The following HOXA3 variants were observed in gnomAD, a reference collection of about 807,000 sequenced individuals.
The protein encoded by HOXA3 is homeobox A3.
In HOXA3, 8 loss-of-function variants were observed where a neutral mutation model predicts 30.3. The ratio of observed to expected loss-of-function variants is 0.26; its 90% CI spans 0.15 to 0.48. The LOEUF is 0.48. HOXA3 is among the 20% of genes least tolerant of loss of function. The pLI is 0.99. For synonymous variants in HOXA3, 323 were observed against 273.1 expected (o/e 1.18, Z -1.80); for missense variants, 653 against 614.4 (o/e 1.06, Z -0.66).
In HOXA3 at chr7:27,143,509, T is replaced by G. The variant is rs764144893; in HGVS notation, c.-493-3323A>C. 1.9e-6 allele frequency: 3 copies of G among 1,613,776 alleles called. No individual in the cohort carries two copies. The South Asian group carries it at 3.3e-5, about 18-fold the overall frequency. ...AGTGCATGCTCGCCGAGTCCCTGAATTGCTCGCTCACGGAACTATGATCTC... is the reference window on the plus strand; with the variant it reads ...AGTGCATGCTCGCCGAGTCCCTGAAGTGCTCGCTCACGGAACTATGATCTC... On this transcript the variant is annotated intron_variant, in intron 1 of 5. Transcript: ENST00000612286.
In HOXA3 at chr7:27,108,137, G is replaced by A; in HGVS notation, c.1110C>T (p.Ser370=). Residue 370 remains serine (S), a synonymous_variant, in exon 6 of 6, where the codon AGC becomes AGT. Transcript: ENST00000612286. The surrounding 1 kb of genome is among the most constrained non-coding windows in gnomAD (Gnocchi z 5.0). Reference sequence around the variant, plus strand: ...CGGAGTTGCTCATGGGCTCCACATAGCTGCCCCCCACGAAGACGGGGCTTC... The same window carrying A: ...CGGAGTTGCTCATGGGCTCCACATAACTGCCCCCCACGAAGACGGGGCTTC... ...IQGSPVFVGG[S]YVEPMSNSGP... is the part of the protein sequence containing the mutation. The A allele has an allele frequency of 1.9e-6, 3 of 1,593,982 alleles. No individual in the cohort carries two copies. The highest frequency in any genetic ancestry group is 2.6e-6 in the Non-Finnish European group (3 of 1,167,346).
chr7:27,118,498 G>C (rs1367762684), intron 4 of HOXA3, among the ~76,000 whole-genome samples: 1 of 152,168 alleles, frequency 6.6e-6, no homozygotes, highest in Non-Finnish European at 1.5e-5. Flanking sequence ...TTGGGGGAGG[G>C]TAGGTGGGGA....
chr7:27,147,493 C>T, intron 1 of HOXA3: 1 of 1,614,212 alleles, frequency 6.2e-7, no homozygotes, highest in Non-Finnish European at 8.5e-7. Context: ...CGAGGCGCCA[C>T]TGAGGTCCTT....
chr7:27,108,281 C>T lies in HOXA3; in HGVS notation c.966G>A (p.Pro322=). 6.6e-7 allele frequency: 1 copy of T among 1,512,580 alleles called. No individual in the cohort carries two copies. Among genetic ancestry groups the T allele is most frequent in the Non-Finnish European group, 8.8e-7 (1 of 1,130,726 alleles). 93.7% of individuals were successfully genotyped at this position (1,512,580 alleles called of 1,614,324 possible). A position where few individuals can be genotyped will look rare whatever the true frequency, so the allele number is the denominator to read the frequency against. ...YPASLPSCAP[P]PPPQKRYTAA... ...CCGTGTAGCGCTTCTGTGGGGGTGG[C>T]GGGGGTGCGCAGCTGGGCAGGGACG... Residue 322 remains proline, a synonymous_variant, in exon 6 of 6, where the codon CCG becomes CCA. Coordinates refer to ENST00000612286, the MANE Select transcript of HOXA3 (RefSeq NM_153631.3). This position sits in a 1 kb window ranked among gnomAD's most constrained non-coding sequence, Gnocchi z 5.0.
chr7:27,152,442 C>T lies in HOXA3; in HGVS notation c.-648G>A, dbSNP rs1290938594. ...TGCTGCCGCGGCGCCGGGAACGGAG[C>T]GCGCCCAATCTCCAGCGGGAGCCGC... On this transcript the variant is annotated 5_prime_UTR_variant, in exon 1 of 6. Coordinates refer to ENST00000612286, the MANE Select transcript of HOXA3 (RefSeq NM_153631.3). 3.5e-6 allele frequency: 4 copies of T among 1,154,720 alleles called. No homozygotes were observed. Among genetic ancestry groups the T allele is most frequent in the Non-Finnish European group, 4.3e-6 (4 of 923,308 alleles). 71.5% of individuals were successfully genotyped at this position (1,154,720 alleles called of 1,614,324 possible). A position where few individuals can be genotyped will look rare whatever the true frequency, so the allele number is the denominator to read the frequency against.
chr7:27,122,158 A>T (rs1785046982), intron 4 of HOXA3: 1 of 152,290 alleles, frequency 6.6e-6, no homozygotes, highest in South Asian at 2.1e-4. Context: ...CAGCCTCCGC[A>T]GTCGCCTTAG....
intron 4 of HOXA3, chr7:27,116,217 C>T: frequency 6.5e-6 from 1 of 152,688 alleles, no homozygotes; most frequent in East Asian, 1.9e-4. Context: ...AAGATTTTCT[C>T]AGCACTAGAA....
chr7:27,151,777 T>C, intron 1 of HOXA3: 1 of 435,286 alleles, frequency 2.3e-6, no homozygotes, highest in South Asian at 1.6e-5. Context: ...TGCCTGTGGA[T>C]TAATGCACTT....
At position 27,108,997 on chromosome 7, in the gene HOXA3, C is replaced by T. The variant is rs193101934; in HGVS notation, c.527-277G>A. Reference sequence around the variant, plus strand: ...CCTGGTCTGGATTTTCTGTTTAGAGCTATTAACTTTCTGACTCATTTACTG... The same window carrying T: ...CCTGGTCTGGATTTTCTGTTTAGAGTTATTAACTTTCTGACTCATTTACTG... On this transcript the variant is annotated intron_variant, in intron 5 of 5. Transcript: ENST00000612286. This position sits in a 1 kb window ranked among gnomAD's most constrained non-coding sequence, Gnocchi z 5.0. 1.3e-5 allele frequency among the ~76,000 whole-genome samples: 2 copies of T among 152,182 alleles called. No individual in the cohort carries two copies. Among genetic ancestry groups the T allele is most frequent in the African/African-American group, 4.8e-5 (2 of 41,444 alleles).
intron 4 of HOXA3, among the ~76,000 whole-genome samples, chr7:27,114,754 C>CACACACACACACACACAT: frequency 7.4e-6 from 1 of 134,316 alleles, no homozygotes; most frequent in South Asian, 2.4e-4. Flanking sequence ...TACACACACA[C>CACACACACACACACACAT]ACACACACAC....
At chr7:27,142,218 C>T in intron 1 of HOXA3, 1 of 891,736 alleles carries the variant, frequency 1.1e-6, no homozygotes, top group South Asian at 1.8e-5. Context: ...CCGCACACCC[C>T]TCCCGAATTT....
At chr7:27,131,829 A>G (rs1785569658) in intron 2 of HOXA3, among the ~76,000 whole-genome samples, 1 of 152,126 alleles carries the variant, frequency 6.6e-6, no homozygotes, top group South Asian at 2.1e-4. Flanking sequence ...TCTCTTTTAG[A>G]TCCTGCTTTC....
intron 4 of HOXA3, among the ~76,000 whole-genome samples, chr7:27,117,832 T>C (rs1294466734): frequency 1.4e-5 from 2 of 147,954 alleles, no homozygotes; most frequent in Non-Finnish European, 3.0e-5. Context: ...CTGGACCCTC[T>C]TTCCGCCTGG....
intron 1 of HOXA3, among the ~76,000 whole-genome samples, chr7:27,148,471 G>A (rs1383412433): frequency 6.6e-6 from 1 of 152,228 alleles, no homozygotes; most frequent in Non-Finnish European, 1.5e-5. Flanking sequence ...AGAGCTGAAG[G>A]ATCACCTCGA....
chr7:27,124,779 G>T (rs1785206833), intron 3 of HOXA3, among the ~76,000 whole-genome samples: 1 of 152,130 alleles, frequency 6.6e-6, no homozygotes, highest in East Asian at 1.9e-4. Context: ...TGCAACCAGG[G>T]TCCTTTTTTT....
intron 1 of HOXA3, among the ~76,000 whole-genome samples, chr7:27,144,552 C>G (rs983227786): frequency 6.6e-6 from 1 of 152,214 alleles, no homozygotes; most frequent in African/African-American, 2.4e-5. Context: ...GTTCCTCGAG[C>G]CAGCCGGGCC....
chr7:27,121,367 C>T (rs1485299243), intron 4 of HOXA3, among the ~76,000 whole-genome samples: 2 of 152,146 alleles, frequency 1.3e-5, no homozygotes, highest in African/African-American at 4.8e-5. Flanking sequence ...TTGTGTTATA[C>T]ACAAGGCCCC....
At chr7:27,140,723 T>C (rs572861896) in intron 1 of HOXA3, among the ~76,000 whole-genome samples, 1 of 151,936 alleles carries the variant, frequency 6.6e-6, no homozygotes, top group East Asian at 2.0e-4. Flanking sequence ...GCAGGATCTG[T>C]GTGGCCTGAG....
intron 5 of HOXA3, 32 bp downstream of exon 5, chr7:27,110,083 A>G: frequency 6.2e-7 from 1 of 1,613,966 alleles, no homozygotes; most frequent in African/African-American, 1.3e-5. Flanking sequence ...GAGCCAGGCC[A>G]GAGGACCCTC....
Sources: allele counts gnomAD v4.1 joint callset (sites outside exome capture counted in the v4.1 genomes callset), GRCh38; gene constraint gnomAD v4.1.1; non-coding constraint Gnocchi (gnomAD v3.1); transcripts MANE v1.5; gene names NCBI Gene and HGNC (gene_info 2026-07-23, HGNC 2026-07-21).